LAMA2: variants seen among roughly 807,000 people sequenced by gnomAD.
LAMA2 encodes laminin subunit alpha 2.
A neutral mutation model predicts 364.8 loss-of-function variants in LAMA2; 269 were observed. The ratio of observed to expected loss-of-function variants is 0.74; its 90% CI spans 0.67 to 0.82. The LOEUF is 0.82. Ranked by LOEUF, LAMA2 falls within the 40% of genes least tolerant of loss-of-function variation. LAMA2 has a pLI of 0.00. For synonymous variants in LAMA2, 1,379 were observed against 1,370.6 expected (o/e 1.01, Z -0.14); for missense variants, 3,807 against 3,873.2 (o/e 0.98, Z 0.45).
At chr6:129,268,571 T>C (rs1331224607) in intron 16 of LAMA2, among the ~76,000 whole-genome samples, 1 of 152,052 alleles carries the variant, frequency 6.6e-6, no homozygotes, top group Non-Finnish European at 1.5e-5. Context: ...AATTAGTCCA[T>C]TTGTTGATGT....
intron 4 of LAMA2, among the ~76,000 whole-genome samples, chr6:129,129,386 T>G (rs1460321909): frequency 6.6e-6 from 1 of 152,232 alleles, no homozygotes; most frequent in Non-Finnish European, 1.5e-5. Flanking sequence ...TATTTTTACT[T>G]GAAGGAAAAG....
At chr6:129,240,232 T>C (rs989603845) in intron 12 of LAMA2, among the ~76,000 whole-genome samples, 35 of 152,204 alleles carry the variant, frequency 2.3e-4, no homozygotes, top group African/African-American at 8.2e-4. Context: ...GATTAAATGG[T>C]GCCTACCCAG....
chr6:129,264,104 G>C (rs951566413), intron 15 of LAMA2, among the ~76,000 whole-genome samples: 25 of 152,038 alleles, frequency 1.6e-4, no homozygotes, highest in African/African-American at 5.8e-4. Context: ...GTCTTAGGAG[G>C]GCATGAATAA....
intron 18 of LAMA2, among the ~76,000 whole-genome samples, chr6:129,281,348 GCAA>G (rs1014041885): frequency 6.6e-5 from 10 of 152,052 alleles, no homozygotes; most frequent in African/African-American, 2.4e-4. Flanking sequence ...CCTTTTTTTA[GCAA>G]CTGGAAAATG....
rs932495259 is a variant in LAMA2 at position 129,454,057 on chromosome 6, T to C, written c.6574-98T>C. 5.7e-6 allele frequency: 5 copies of C among 874,220 alleles called. No individual in the cohort carries two copies. In the African/African-American group the frequency reaches 8.3e-5, roughly 14 times the overall value. 54.2% of individuals were successfully genotyped at this position (874,220 alleles called of 1,614,324 possible). ...TCATGAAGCTCCTAATCATTTCACA[T>C]GTCTGCAAATGGCGCTTATTGAAAA... On this transcript the variant is annotated intron_variant, in intron 46 of 64. Transcript: ENST00000421865.
chr6:129,054,662 TATATG>T (rs1348591160), intron 2 of LAMA2, among the ~76,000 whole-genome samples: 1 of 147,972 alleles, frequency 6.8e-6, no homozygotes, highest in Non-Finnish European at 1.5e-5. Flanking sequence ...AAACATGAAA[TATATG>T]ATATGTAATA....
chr6:129,505,809 G>C (rs1786021862), intron 61 of LAMA2, among the ~76,000 whole-genome samples: 1 of 151,996 alleles, frequency 6.6e-6, no homozygotes, highest in Non-Finnish European at 1.5e-5. Flanking sequence ...TGGGATTACA[G>C]GCCTGAGCCA....
At chr6:129,127,663 C>A (rs775406049) in intron 4 of LAMA2, among the ~76,000 whole-genome samples, 2 of 152,102 alleles carry the variant, frequency 1.3e-5, no homozygotes, top group Non-Finnish European at 2.9e-5. Context: ...TCTGTTTTTT[C>A]CATATTCTCG....
intron 1 of LAMA2, among the ~76,000 whole-genome samples, chr6:128,980,911 AT>A (rs1276155388): frequency 1.3e-5 from 2 of 152,174 alleles, no homozygotes; most frequent in Non-Finnish European, 2.9e-5. Context: ...CAAATGTGAG[AT>A]TTTTCCTTTA....
At chr6:129,300,989 A>G in intron 22 of LAMA2, 117 bp downstream of exon 22, 1 of 876,104 alleles carries the variant, frequency 1.1e-6, no homozygotes, top group East Asian at 2.5e-5. Flanking sequence ...TAGAAGTATT[A>G]CTATAATGTG....
Position 129,143,322 on chromosome 6 carries a change from T to TA in LAMA2, c.640-568dup, listed in dbSNP as rs71793304. Among the ~76,000 whole-genome samples, 1,225 of 146,982 alleles carry TA rather than the reference T, an allele frequency of 8.3e-3. 12 individuals are homozygous for TA. The highest frequency in any genetic ancestry group is 0.031 in the Middle Eastern group (9 of 290). ...TTTATCTTCTTGACCTATTAATTAC[T>TA]AAAAAAAAAAATACAGATAACGACA... On this transcript the variant is annotated intron_variant, in intron 4 of 64. Transcript: ENST00000421865.
In LAMA2 at chr6:129,232,780, C is replaced by T. The variant is rs372883571; in HGVS notation, c.1783-17332C>T. 4.9e-4 allele frequency among the ~76,000 whole-genome samples: 74 copies of T among 152,140 alleles called. 1 individual carries two copies. Among genetic ancestry groups the T allele is most frequent in the Middle Eastern group, 3.4e-3 (1 of 294 alleles). On this transcript the variant is annotated intron_variant, in intron 12 of 64. Transcript: ENST00000421865. ...ACCTTAAGGTGGGAAGATGATCCTG[C>T]GTTATCCAGGTGGACCGAATCCAGT...
chr6:129,499,340 C>G (rs1238922231), intron 58 of LAMA2, among the ~76,000 whole-genome samples: 1 of 152,058 alleles, frequency 6.6e-6, no homozygotes, highest in Non-Finnish European at 1.5e-5. Flanking sequence ...GGTAAAGCAT[C>G]ACATCCATAG....
intron 37 of LAMA2, 128 bp from the exon 38 acceptor site, chr6:129,401,094 CTA>C: frequency 2.6e-6 from 2 of 759,048 alleles, no homozygotes; most frequent in South Asian, 1.4e-5. Context: ...TTTTTCTCAT[CTA>C]GCCACATTTC....
intron 35 of LAMA2, among the ~76,000 whole-genome samples, chr6:129,388,196 C>T (rs1779124546): frequency 6.7e-6 from 1 of 149,870 alleles, no homozygotes; most frequent in South Asian, 2.1e-4. Flanking sequence ...GGTGCGGTCG[C>T]AGTGAGCAGA....
chr6:129,422,646 A>G (rs1189533590), intron 40 of LAMA2, among the ~76,000 whole-genome samples: 1 of 152,132 alleles, frequency 6.6e-6, no homozygotes, highest in Non-Finnish European at 1.5e-5. Flanking sequence ...AACTACCAAA[A>G]CTCACAGATA....
Position 129,260,708 on chromosome 6 carries a change from T to C in LAMA2, c.2097-3T>C, listed in dbSNP as rs886061047. On this transcript the variant is annotated splice_region_variant and splice_polypyrimidine_tract_variant and intron_variant, in intron 14 of 64. Coordinates refer to ENST00000421865, the MANE Select transcript of LAMA2 (RefSeq NM_000426.4). ...TCACCATCTCTTTTTTCCTCTGCCA[T>C]AGGTTGAGCTCTGTTAACCTTGAAT... 1 of 1,579,608 alleles carries C rather than the reference T, an allele frequency of 6.3e-7. No individual in the cohort carries two copies. The highest frequency in any genetic ancestry group is 8.7e-7 in the Non-Finnish European group (1 of 1,148,764).
rs775570308 is a variant in LAMA2, at chr6:129,192,739, CCAG to C, written c.1672_1674del (p.Gln558del). ...TTCCTGGCCGCATTCGAGTGGCTCC[CCAG>C]CAGGACGACTTGGACTCACCTCAGC... On this transcript the variant is annotated inframe_deletion, in exon 12 of 65. Coordinates refer to ENST00000421865, the MANE Select transcript of LAMA2 (RefSeq NM_000426.4). The C allele has an allele frequency of 1.2e-6, 2 of 1,614,202 alleles. No individual in the cohort carries two copies. The highest frequency in any genetic ancestry group is 1.7e-6 in the Non-Finnish European group (2 of 1,180,036).
intron 32 of LAMA2, among the ~76,000 whole-genome samples, chr6:129,357,025 T>G (rs148131019): frequency 6.6e-6 from 1 of 152,092 alleles, no homozygotes; most frequent in Non-Finnish European, 1.5e-5. Flanking sequence ...TCTGAAGAGA[T>G]ATTTTATTAA....
Sources: allele counts gnomAD v4.1 joint callset (sites outside exome capture counted in the v4.1 genomes callset), GRCh38; gene constraint gnomAD v4.1.1; transcripts MANE v1.5; gene names NCBI Gene and HGNC (gene_info 2026-07-23, HGNC 2026-07-21).